The following PTBP3 variants were observed in gnomAD, a reference collection of about 807,000 sequenced individuals.
The protein encoded by PTBP3 is polypyrimidine tract-binding protein 3.
PTBP3 carries 20 observed loss-of-function variants against 58.7 expected under a neutral mutation model. The observed-to-expected ratio is 0.34, with a 90% CI of 0.24 to 0.50. The LOEUF is 0.50. PTBP3 is among the 20% of genes least tolerant of loss of function. The pLI, the probability that PTBP3 is intolerant of heterozygous loss-of-function variation, is 0.98. For synonymous variants in PTBP3, 185 were observed against 219.8 expected (o/e 0.84, Z 1.40); for missense variants, 509 against 637.2 (o/e 0.80, Z 2.17).
chr9:112,332,296 GAATC>G (rs1830406741), intron 1 of PTBP3, among the ~76,000 whole-genome samples: 1 of 152,168 alleles, frequency 6.6e-6, no homozygotes, highest in African/African-American at 2.4e-5. Context: ...GCATTCAAAT[GAATC>G]AATCCGAAAT....
chr9:112,278,566 A>G (rs1187450304), intron 2 of PTBP3, among the ~76,000 whole-genome samples: 1 of 152,228 alleles, frequency 6.6e-6, no homozygotes, highest in Non-Finnish European at 1.5e-5. Context: ...CGAATACCGA[A>G]CAAGTTACCC....
chr9:112,303,493 G>A (rs1829038458), intron 1 of PTBP3, among the ~76,000 whole-genome samples: 1 of 152,176 alleles, frequency 6.6e-6, no homozygotes, highest in Non-Finnish European at 1.5e-5. Context: ...TTCTTCCAGA[G>A]CCTATAGCAG....
chr9:112,350,048 A>T, the PTBP3 span, among the ~76,000 whole-genome samples: 2,675 of 151,190 alleles, frequency 0.018, 70 homozygotes, highest in African/African-American at 0.057. Context: ...TTTTTTTTTT[A>T]AATTTATGTA....
At chr9:112,236,795 T>G (rs1835455522) in intron 7 of PTBP3, among the ~76,000 whole-genome samples, 1 of 152,078 alleles carries the variant, frequency 6.6e-6, no homozygotes, top group Admixed American at 6.6e-5. Context: ...CATTAAGGGT[T>G]TATATCTGCT....
chr9:112,282,084 G>GC (rs1423913034), intron 2 of PTBP3, among the ~76,000 whole-genome samples: 1 of 152,206 alleles, frequency 6.6e-6, no homozygotes, highest in African/African-American at 2.4e-5. Context: ...CCTCATGAGG[G>GC]CACCACCCAC....
chr9:112,361,344 C>T, the PTBP3 span, among the ~76,000 whole-genome samples: 1 of 152,106 alleles, frequency 6.6e-6, no homozygotes, highest in Non-Finnish European at 1.5e-5. Flanking sequence ...GGTGATCTGC[C>T]CATCTCGGCC....
At chr9:112,369,616 T>C in the PTBP3 span, among the ~76,000 whole-genome samples, 5 of 152,186 alleles carry the variant, frequency 3.3e-5, no homozygotes, top group African/African-American at 1.2e-4. Flanking sequence ...TTTTACAGGT[T>C]CATAGGTGGA....
intron 1 of PTBP3, among the ~76,000 whole-genome samples, chr9:112,309,876 A>G (rs1291108141): frequency 6.6e-6 from 1 of 152,178 alleles, no homozygotes; most frequent in Non-Finnish European, 1.5e-5. Flanking sequence ...GCGTGGCACT[A>G]CCTGAAACTC....
At chr9:112,355,621 CT>C in the PTBP3 span, among the ~76,000 whole-genome samples, 986 of 127,786 alleles carry the variant, frequency 7.7e-3, 3 homozygotes, top group East Asian at 0.014. Flanking sequence ...AACTCTTTTT[CT>C]TTTTTTTTTT....
At chr9:112,361,351 G>A in the PTBP3 span, among the ~76,000 whole-genome samples, 9 of 152,122 alleles carry the variant, frequency 5.9e-5, no homozygotes, top group Admixed American at 2.6e-4. Flanking sequence ...TGCCCATCTC[G>A]GCCTCCCAAA....
At chr9:112,249,315 G>A (rs751795553) in intron 7 of PTBP3, among the ~76,000 whole-genome samples, 10 of 151,982 alleles carry the variant, frequency 6.6e-5, no homozygotes, top group Non-Finnish European at 1.5e-4. Flanking sequence ...ATATACTTAC[G>A]TGTTTTATAA....
At chr9:112,354,029 G>A in the PTBP3 span, among the ~76,000 whole-genome samples, 1 of 151,698 alleles carries the variant, frequency 6.6e-6, no homozygotes, top group African/African-American at 2.4e-5. Context: ...GTTCCTTTTC[G>A]GCTATCTGAG....
intron 1 of PTBP3, among the ~76,000 whole-genome samples, chr9:112,325,308 C>G (rs1251347775): frequency 2.0e-5 from 3 of 152,132 alleles, no homozygotes; most frequent in Non-Finnish European, 4.4e-5. Flanking sequence ...TGGAGCGGCT[C>G]AGACTAAGGG....
At position 112,268,040 on chromosome 9, in the gene PTBP3, A is replaced by G; in HGVS notation, c.351+9T>C. On this transcript the variant is annotated intron_variant, in intron 4 of 13. Transcript: ENST00000374257. ...CATACCTATTTTTAAAAACATCTTT[A>G]ATACTTACAGCTTGATTAGGTAGAT... 1 of 1,601,498 alleles carries G rather than the reference A, an allele frequency of 6.2e-7. No homozygotes were observed. Among genetic ancestry groups the G allele is most frequent in the Non-Finnish European group, 8.5e-7 (1 of 1,174,612 alleles).
At chr9:112,357,641 A>AC in the PTBP3 span, among the ~76,000 whole-genome samples, 1 of 151,874 alleles carries the variant, frequency 6.6e-6, no homozygotes, top group Admixed American at 6.6e-5. Context: ...GAACCACTGC[A>AC]CCCAGCCTGC....
At chr9:112,291,640 G>A (rs1344025282) in intron 2 of PTBP3, among the ~76,000 whole-genome samples, 1 of 152,108 alleles carries the variant, frequency 6.6e-6, no homozygotes, top group Admixed American at 6.6e-5. Context: ...TCAACATATG[G>A]TGCTGGTAAA....
At chr9:112,332,965 C>T in intron 1 of PTBP3, 2 of 1,427,126 alleles carry the variant, frequency 1.4e-6, no homozygotes, top group Non-Finnish European at 1.8e-6. Flanking sequence ...TGGCTTGCGA[C>T]CAGGTCGCCG....
Position 112,227,589 on chromosome 9 carries a change from C to T in PTBP3, c.1186G>A (p.Val396Met). Residue 396 changes from valine (V) to methionine (M), a missense_variant, in exon 12 of 14, where the codon GTG (valine) becomes ATG (methionine). This residue lies in a region of PTBP3 where 135 missense variants were observed against 229.0 expected (regional missense o/e 0.59). Coordinates refer to ENST00000374257, the MANE Select transcript of PTBP3 (RefSeq NM_001163788.4). ...HLSGQRLYGK[V>M]LRATLSKHQA... ...TGTTTGGACAGTGTAGCACGAAGCA[C>T]TTTCCCATAAAGTCTCTGACCACTT... is the stretch of plus-strand genomic sequence containing the variant. 1 of 1,613,956 alleles carries T rather than the reference C, an allele frequency of 6.2e-7. No individual in the cohort carries two copies. Among genetic ancestry groups the T allele is most frequent in the Non-Finnish European group, 8.5e-7 (1 of 1,179,918 alleles).
intron 1 of PTBP3, among the ~76,000 whole-genome samples, chr9:112,298,238 A>G (rs1292765528): frequency 6.6e-6 from 1 of 152,214 alleles, no homozygotes; most frequent in Non-Finnish European, 1.5e-5. Context: ...TTGTTTTTGT[A>G]GCATATATTT....
Sources: gnomAD v4.1 joint callset for allele counts (sites outside exome capture counted in the v4.1 genomes callset) on GRCh38, gnomAD v4.1.1 for gene constraint, gnomAD v4.1.1 regional missense constraint, MANE v1.5 for transcripts, NCBI Gene and HGNC (gene_info 2026-07-23, HGNC 2026-07-21) for gene names.